Variants in TM4SF19 observed in about 807,000 individuals in gnomAD.
TM4SF19 encodes the protein transmembrane 4 L6 family member 19.
Under a neutral mutation model 21.8 loss-of-function variants are expected in TM4SF19, and 17 were observed. The observed-to-expected ratio is 0.78, with a 90% CI of 0.53 to 1.17. TM4SF19 has a LOEUF of 1.17. TM4SF19 is among the 50% of genes most tolerant of loss of function. The pLI is 0.00. For missense variants in TM4SF19, 216 were observed against 252.1 expected (o/e 0.86, Z 0.97); for synonymous variants, 107 against 106.7 (o/e 1.00, Z -0.02).
Position 196,323,723 on chromosome 3 carries a change from A to C in TM4SF19, c.*94T>G. 1 of 1,600,316 alleles carries C rather than the reference A, an allele frequency of 6.2e-7. No homozygotes were observed. Among genetic ancestry groups the C allele is most frequent in the Non-Finnish European group, 8.5e-7 (1 of 1,172,180 alleles). On this transcript the variant is annotated 3_prime_UTR_variant, in exon 5 of 5. Coordinates refer to ENST00000273695, the MANE Select transcript of TM4SF19 (RefSeq NM_138461.4). Reference sequence around the variant, plus strand: ...ATTACTCCAGGGATACCTAAAGGGGAAGTTTGTTTATAATTCGTACCCACT... The same window carrying C: ...ATTACTCCAGGGATACCTAAAGGGGCAGTTTGTTTATAATTCGTACCCACT...
At chr3:196,331,861 G>A (rs1194592447) in intron 1 of TM4SF19, among the ~76,000 whole-genome samples, 1 of 152,142 alleles carries the variant, frequency 6.6e-6, no homozygotes, top group Non-Finnish European at 1.5e-5. Flanking sequence ...CTTGGCTCAA[G>A]GGCCCTCCCA....
Position 196,329,092 on chromosome 3 carries a change from C to T in TM4SF19, c.-1-1501G>A, listed in dbSNP as rs1266812701. Among the ~76,000 whole-genome samples the T allele has an allele frequency of 9.8e-5, 7 of 71,212 alleles. 1 individual carries two copies. Among genetic ancestry groups the T allele is most frequent in the African/African-American group, 2.3e-4 (6 of 25,818 alleles). The allele number at this position is 71,212 out of a possible 152,430, so 46.7% of individuals were successfully genotyped here. ...CCAAGTAGCTGGGATTACAGGTGCC[C>T]GCCACCATGCCCGGTAATTTTTTGT... On this transcript the variant is annotated intron_variant, in intron 1 of 4. Coordinates refer to ENST00000273695, the MANE Select transcript of TM4SF19 (RefSeq NM_138461.4).
chr3:196,326,908 G>A (rs1727312128), intron 3 of TM4SF19, 47 bp downstream of exon 3: 2 of 1,536,466 alleles, frequency 1.3e-6, no homozygotes, highest in Non-Finnish European at 1.8e-6. Flanking sequence ...TAGAGTAATA[G>A]AGGTGGAGAC....
At position 196,324,445 on chromosome 3, in the gene TM4SF19, G is replaced by A. The variant is rs201174239; in HGVS notation, c.280-5C>T. On this transcript the variant is annotated splice_region_variant and splice_polypyrimidine_tract_variant and intron_variant, in intron 3 of 4. Transcript: ENST00000273695. ...TGACAACAGAGCAGTAAGCACCTGC[G>A]GAGGGAGGAGAAACACTGAGCTAAG... 8.1e-6 allele frequency: 13 copies of A among 1,613,880 alleles called. No homozygotes were observed. Among genetic ancestry groups the A allele is most frequent in the East Asian group, 4.5e-5 (2 of 44,888 alleles).
intron 1 of TM4SF19, among the ~76,000 whole-genome samples, chr3:196,328,777 T>A (rs1041613552): frequency 4.6e-5 from 7 of 152,176 alleles, no homozygotes; most frequent in Non-Finnish European, 8.8e-5. Context: ...ATTGTGAAGA[T>A]TAGCCAAAGC....
Position 196,323,721 on chromosome 3 carries a change from G to A in TM4SF19, c.*96C>T, listed in dbSNP as rs1432127264. ...TTATTACTCCAGGGATACCTAAAGG[G>A]GAAGTTTGTTTATAATTCGTACCCA... On this transcript the variant is annotated 3_prime_UTR_variant, in exon 5 of 5. Transcript: ENST00000273695. The A allele has an allele frequency of 6.3e-7, 1 of 1,598,972 alleles. No homozygotes were observed. The highest frequency in any genetic ancestry group is 8.5e-7 in the Non-Finnish European group (1 of 1,171,622).
At chr3:196,327,251 T>TA in intron 2 of TM4SF19, 139 bp downstream of exon 2, 1 of 910,286 alleles carries the variant, frequency 1.1e-6, no homozygotes, top group Non-Finnish European at 1.7e-6. Context: ...TCCTGTCTCT[T>TA]AGAGCTTCTA....
At chr3:196,336,208 A>T (rs1409628193) in intron 1 of TM4SF19, among the ~76,000 whole-genome samples, 2 of 151,644 alleles carry the variant, frequency 1.3e-5, no homozygotes, top group Non-Finnish European at 2.9e-5. Flanking sequence ...GCGCGGCCTC[A>T]GCTCACTGCT....
chr3:196,326,509 G>A (rs1055143311), intron 3 of TM4SF19, among the ~76,000 whole-genome samples: 5 of 152,114 alleles, frequency 3.3e-5, no homozygotes, highest in Admixed American at 6.5e-5. Context: ...CAGTTTATCT[G>A]TAAAATGGAG....
chr3:196,328,237 T>C (rs1577407214), intron 1 of TM4SF19, among the ~76,000 whole-genome samples: 1 of 151,612 alleles, frequency 6.6e-6, no homozygotes, highest in Admixed American at 6.6e-5. Context: ...GAGGCAGAGG[T>C]TGCAGTGAGC....
intron 1 of TM4SF19, among the ~76,000 whole-genome samples, chr3:196,331,873 T>G (rs1727526489): frequency 6.6e-6 from 1 of 152,140 alleles, no homozygotes; most frequent in Non-Finnish European, 1.5e-5. Context: ...GCCCTCCCAC[T>G]TCAGACACCT....
At chr3:196,330,061 A>G (rs992674553) in intron 1 of TM4SF19, among the ~76,000 whole-genome samples, 13 of 151,726 alleles carry the variant, frequency 8.6e-5, no homozygotes, top group African/African-American at 2.7e-4. Flanking sequence ...TAGTAGAGAC[A>G]GGGTTTCACT....
intron 1 of TM4SF19, among the ~76,000 whole-genome samples, chr3:196,331,864 C>A (rs1281298172): frequency 6.6e-6 from 1 of 152,130 alleles, no homozygotes; most frequent in Non-Finnish European, 1.5e-5. Context: ...GGCTCAAGGG[C>A]CCTCCCACTT....
chr3:196,337,208 T>C (rs1727798841), intron 1 of TM4SF19, among the ~76,000 whole-genome samples: 1 of 151,832 alleles, frequency 6.6e-6, no homozygotes, highest in Non-Finnish European at 1.5e-5. Flanking sequence ...ATTACAGGCA[T>C]GCACCACGCC....
At chr3:196,334,533 A>C (rs968730366) in intron 1 of TM4SF19, among the ~76,000 whole-genome samples, 1 of 151,650 alleles carries the variant, frequency 6.6e-6, no homozygotes, top group African/African-American at 2.4e-5. Context: ...AGCTCACTGC[A>C]ACCTCCGCCT....
intron 1 of TM4SF19, among the ~76,000 whole-genome samples, chr3:196,334,825 G>GA (rs71621231): frequency 0.029 from 2,513 of 86,392 alleles, 138 homozygotes; most frequent in Admixed American, 0.051. Context: ...GAGAGGAAGG[G>GA]TGCCCTGAGA....
intron 3 of TM4SF19, chr3:196,324,829 A>G (rs1391199810): frequency 5.9e-6 from 1 of 168,346 alleles, no homozygotes; most frequent in African/African-American, 2.4e-5. Flanking sequence ...CCCACCACTG[A>G]CTCTTCTAAG....
chr3:196,326,972 T>C lies in TM4SF19; in HGVS notation c.262A>G (p.Ser88Gly). Residue 88 changes from serine to glycine, a missense_variant, in exon 3 of 5, where the codon AGT becomes GGT. Transcript: ENST00000273695. ...GTGCTTACGCTTCGACAGAGCCCAC[T>C]CTTACTGAAGCAGCCGTATCTCCAG... ...MGWRYGCFSK[S>G]GLCRSVLTAL... The C allele has an allele frequency of 6.2e-7, 1 of 1,611,566 alleles. No individual in the cohort carries two copies.
rs770231979 is a variant in TM4SF19, at chr3:196,323,950, G to A, written c.497C>T (p.Pro166Leu). 6.2e-7 allele frequency: 1 copy of A among 1,614,024 alleles called. No homozygotes were observed. The highest frequency in any genetic ancestry group is 8.5e-7 in the Non-Finnish European group (1 of 1,180,010). ...CACGTGCCAGACAACAGCTGCAGAGGGCTCCAGGCAGACGGAGTTCCAGAG... is the reference window on the plus strand; with the variant it reads ...CACGTGCCAGACAACAGCTGCAGAGAGCTCCAGGCAGACGGAGTTCCAGAG... ...RSLWNSVCLE[P>L]SAAVVWHVSL... Residue 166 changes from proline (P) to leucine (L), a missense_variant, in exon 5 of 5, where the codon CCC (proline) becomes CTC (leucine). Pro to Leu is a moderately conservative substitution (Grantham distance 98). Transcript: ENST00000273695.
Sources: gnomAD v4.1 joint callset for allele counts (sites outside exome capture counted in the v4.1 genomes callset) on GRCh38, gnomAD v4.1.1 for gene constraint, MANE v1.5 for transcripts, NCBI Gene and HGNC (gene_info 2026-07-23, HGNC 2026-07-21) for gene names.